Variants in MANBA observed in about 807,000 individuals in gnomAD.
MANBA encodes the protein beta-mannosidase.
A neutral mutation model predicts 111.1 loss-of-function variants in MANBA; 83 were observed. That is an observed-to-expected ratio of 0.75 (90% CI 0.63 to 0.90). The LOEUF is 0.90. Ranked by LOEUF, MANBA falls within the 40% of genes least tolerant of loss-of-function variation. The probability of loss-of-function intolerance (pLI) is 0.00; values close to 1 mark genes in which losing one functional copy is unlikely to be tolerated. For synonymous variants in MANBA, 370 were observed against 378.7 expected (o/e 0.98, Z 0.27); for missense variants, 1,036 against 1,069.0 (o/e 0.97, Z 0.43).
chr4:102,718,836 A>T (rs1334413056), intron 4 of MANBA, among the ~76,000 whole-genome samples: 1 of 152,198 alleles, frequency 6.6e-6, no homozygotes, highest in Non-Finnish European at 1.5e-5. Flanking sequence ...TAGGACCGTG[A>T]TGACGACCCC....
chr4:102,708,626 T>G (rs1373648083), intron 5 of MANBA, among the ~76,000 whole-genome samples: 2 of 151,024 alleles, frequency 1.3e-5, no homozygotes, highest in Non-Finnish European at 2.9e-5. Context: ...AATCCAAAAT[T>G]AGAAGAAGAA....
chr4:102,686,072 G>T (rs1284133550), intron 7 of MANBA, among the ~76,000 whole-genome samples: 2 of 152,146 alleles, frequency 1.3e-5, no homozygotes, highest in Non-Finnish European at 2.9e-5. Flanking sequence ...ATTGCTTTCA[G>T]CACAGAGTGG....
intron 7 of MANBA, among the ~76,000 whole-genome samples, chr4:102,687,391 C>T (rs748670904): frequency 7.2e-5 from 11 of 152,182 alleles, no homozygotes; most frequent in Admixed American, 5.9e-4. Flanking sequence ...TTCCAAGAAT[C>T]CTGGCAGCAC....
intron 16 of MANBA, 123 bp downstream of exon 16, chr4:102,634,665 G>T: frequency 1.5e-6 from 2 of 1,322,890 alleles, no homozygotes; most frequent in Non-Finnish European, 2.2e-6. Context: ...CTTCCCCCAG[G>T]CCTCAGGTAA....
chr4:102,726,816 C>G, intron 1 of MANBA, 133 bp from the exon 2 acceptor site: 1 of 640,628 alleles, frequency 1.6e-6, no homozygotes, highest in Non-Finnish European at 2.8e-6. Context: ...CCTAGTAGTA[C>G]AAAGAGGGGA....
At chr4:102,647,650 G>C (rs1228992255) in intron 13 of MANBA, among the ~76,000 whole-genome samples, 1 of 152,012 alleles carries the variant, frequency 6.6e-6, no homozygotes, top group Non-Finnish European at 1.5e-5. Context: ...GAAAGATAAA[G>C]TGCAACACTT....
intron 1 of MANBA, among the ~76,000 whole-genome samples, chr4:102,759,062 T>C (rs886937005): frequency 1.3e-5 from 2 of 152,226 alleles, no homozygotes; most frequent in Non-Finnish European, 2.9e-5. Flanking sequence ...CTTAGCTTCT[T>C]AGCTCTGTAA....
At chr4:102,723,415 C>T (rs1281636820) in intron 3 of MANBA, among the ~76,000 whole-genome samples, 1 of 152,182 alleles carries the variant, frequency 6.6e-6, no homozygotes, top group African/African-American at 2.4e-5. Flanking sequence ...GACAACCTGC[C>T]TCTCCGGTAT....
At chr4:102,760,355 CAG>C (rs1724192856) in intron 1 of MANBA, among the ~76,000 whole-genome samples, 2 of 152,302 alleles carry the variant, frequency 1.3e-5, no homozygotes, top group South Asian at 4.1e-4. Context: ...CTGTGGCGTG[CAG>C]ACAGTAGAGA....
intron 11 of MANBA, among the ~76,000 whole-genome samples, chr4:102,660,300 C>G (rs1320554640): frequency 6.6e-6 from 1 of 152,044 alleles, no homozygotes; most frequent in Admixed American, 6.6e-5. Context: ...AATTTCCAAT[C>G]CCACACCACT....
intron 14 of MANBA, among the ~76,000 whole-genome samples, chr4:102,639,066 A>G (rs989029514): frequency 2.0e-5 from 3 of 152,286 alleles, no homozygotes; most frequent in South Asian, 2.1e-4. Flanking sequence ...ATTTTTTTTA[A>G]TGTACCAGAA....
intron 5 of MANBA, among the ~76,000 whole-genome samples, chr4:102,701,724 G>C (rs1452291736): frequency 6.6e-6 from 1 of 152,212 alleles, no homozygotes; most frequent in Middle Eastern, 3.4e-3. Flanking sequence ...TCTGCTGAGA[G>C]ATCCGCTGTT....
chr4:102,676,495 G>T (rs990784229), intron 7 of MANBA, among the ~76,000 whole-genome samples: 1 of 151,846 alleles, frequency 6.6e-6, no homozygotes. Flanking sequence ...GTTAGTCGAG[G>T]AAATAACAGC....
chr4:102,715,543 T>C (rs904240314), intron 4 of MANBA, among the ~76,000 whole-genome samples: 1 of 152,202 alleles, frequency 6.6e-6, no homozygotes, highest in African/African-American at 2.4e-5. Context: ...GTTTGTTATA[T>C]AGGTAAACTT....
chr4:102,760,773 G>A lies in MANBA; in HGVS notation c.122C>T (p.Pro41Leu), dbSNP rs1446535698. Residue 41 changes from proline to leucine, a missense_variant, in exon 1 of 17, where the codon CCC becomes CTC. Coordinates refer to ENST00000647097, the MANE Select transcript of MANBA (RefSeq NM_005908.4). ...GTGCACGCAGCCAGGGACCGCCCCG[G>A]GCAGCTCCAGCGAGCCGTTCCCATT... ...ICNGNGSLEL[P>L]GAVPGCVHSA... is the part of the protein sequence containing the mutation. 3 of 1,551,428 alleles carry A rather than the reference G, an allele frequency of 1.9e-6. No individual in the cohort carries two copies. Among genetic ancestry groups the A allele is most frequent in the Non-Finnish European group, 1.7e-6 (2 of 1,147,830 alleles).
intron 12 of MANBA, among the ~76,000 whole-genome samples, chr4:102,653,171 GTTAAC>G (rs1277608196): frequency 1.3e-5 from 2 of 150,698 alleles, no homozygotes; most frequent in African/African-American, 4.9e-5. Flanking sequence ...CAATGTATTA[GTTAAC>G]TTAATCTTTA....
chr4:102,673,656 C>T (rs539585790), intron 8 of MANBA, among the ~76,000 whole-genome samples: 48 of 152,224 alleles, frequency 3.2e-4, no homozygotes, highest in South Asian at 8.3e-4. Context: ...TCTTATTTCT[C>T]CAGAATAAAC....
In MANBA at chr4:102,689,823, G is replaced by T. The variant is rs140639107; in HGVS notation, c.850-139C>A. ...ATGTAAGTCTCCCCACCTATATTAT[G>T]CCCAATCAGACCAATTCATTGATAA... On this transcript the variant is annotated intron_variant, in intron 6 of 16. Coordinates refer to ENST00000647097, the MANE Select transcript of MANBA (RefSeq NM_005908.4). 751 of 647,878 alleles carry T rather than the reference G, an allele frequency of 1.2e-3. 5 individuals are homozygous for T. The African/African-American group carries it at 0.012, about 11-fold the overall frequency. 40.1% of individuals were successfully genotyped at this position (647,878 alleles called of 1,614,324 possible).
intron 7 of MANBA, among the ~76,000 whole-genome samples, chr4:102,677,763 C>T (rs1190297551): frequency 6.6e-6 from 1 of 152,130 alleles, no homozygotes; most frequent in African/African-American, 2.4e-5. Context: ...CCCTTTGTCT[C>T]CTACTAAACA....
Sources: gnomAD v4.1 joint callset for allele counts (sites outside exome capture counted in the v4.1 genomes callset) on GRCh38, gnomAD v4.1.1 for gene constraint, MANE v1.5 for transcripts, NCBI Gene and HGNC (gene_info 2026-07-23, HGNC 2026-07-21) for gene names.